The following TESK2 variants were observed in gnomAD, a reference collection of about 807,000 sequenced individuals.
TESK2 encodes the protein testis associated actin remodelling kinase 2.
A neutral mutation model predicts 57.1 loss-of-function variants in TESK2; 39 were observed. The ratio of observed to expected loss-of-function variants is 0.68; its 90% confidence interval spans 0.53 to 0.89. The LOEUF is 0.89. Among genes scored for constraint, TESK2 ranks in the 40% least tolerant of loss-of-function variants. The probability of loss-of-function intolerance (pLI) is 0.00; values close to 1 mark genes in which losing one functional copy is unlikely to be tolerated. For missense variants in TESK2, 646 were observed against 732.1 expected (o/e 0.88, Z 1.36); for synonymous variants, 249 against 267.9 (o/e 0.93, Z 0.69).
In TESK2 at chr1:45,345,228, C is replaced by T; in HGVS notation, c.1328G>A (p.Trp443Ter). 4 of 1,614,188 alleles carry T rather than the reference C, an allele frequency of 2.5e-6. No individual in the cohort carries two copies. Among genetic ancestry groups the T allele is most frequent in the Non-Finnish European group, 3.4e-6 (4 of 1,180,026 alleles). The change falls in exon 11 of 11, where the codon TGG (tryptophan) becomes TAG (stop). Residue 443 changes from tryptophan (W) to a stop codon, truncating the protein, a stop_gained. Transcript: ENST00000372086. LOFTEE classifies it high-confidence loss of function. Reference protein sequence around the residue: ...PGPGTMPLADWQEPLAPPIRR... With the variant: ...PGPGTMPLAD Reference sequence around the variant, plus strand: ...AATAGGTGGGGCCAGGGGCTCCTGCCAGTCAGCCAGGGGCATAGTTCCGGG... The same window carrying T: ...AATAGGTGGGGCCAGGGGCTCCTGCTAGTCAGCCAGGGGCATAGTTCCGGG...
At chr1:45,347,335 G>A (rs1470461379) in intron 7 of TESK2, among the ~76,000 whole-genome samples, 2 of 152,168 alleles carry the variant, frequency 1.3e-5, no homozygotes, top group Admixed American at 1.3e-4. Context: ...AGAGGCCGAG[G>A]TGGGCAGATC....
chr1:45,386,061 G>A (rs1443089648), intron 3 of TESK2, 101 bp from the exon 4 acceptor site: 37 of 810,524 alleles, frequency 4.6e-5, no homozygotes, highest in Non-Finnish European at 7.2e-5. Flanking sequence ...AACAACCTGT[G>A]GGGTGCGGCA....
intron 2 of TESK2, among the ~76,000 whole-genome samples, chr1:45,429,181 T>A (rs1296798064): frequency 1.3e-5 from 2 of 152,200 alleles, no homozygotes; most frequent in East Asian, 3.9e-4. Context: ...CCAGGTGCGG[T>A]AGAGATCAGG....
intron 2 of TESK2, among the ~76,000 whole-genome samples, chr1:45,441,751 A>T (rs72478600): frequency 6.8e-6 from 1 of 147,336 alleles, no homozygotes; most frequent in African/African-American, 2.5e-5. Flanking sequence ...CCGAGTAGTG[A>T]GATTACAGGT....
At chr1:45,388,435 T>C (rs1413762137) in intron 3 of TESK2, among the ~76,000 whole-genome samples, 4 of 152,190 alleles carry the variant, frequency 2.6e-5, no homozygotes, top group African/African-American at 7.2e-5. Flanking sequence ...CTTTCCAAAC[T>C]ATGATGGGTA....
chr1:45,471,681 CA>C (rs1557586523), intron 1 of TESK2, among the ~76,000 whole-genome samples: 3 of 151,964 alleles, frequency 2.0e-5, no homozygotes, highest in Admixed American at 6.6e-5. Flanking sequence ...GCTGAGATTA[CA>C]GGCATGAGCC....
At chr1:45,470,094 T>A (rs781771040) in intron 1 of TESK2, among the ~76,000 whole-genome samples, 15 of 152,118 alleles carry the variant, frequency 9.9e-5, no homozygotes, top group Non-Finnish European at 1.9e-4. Flanking sequence ...ACCCTAGATA[T>A]AAAGAGTAGA....
intron 1 of TESK2, among the ~76,000 whole-genome samples, chr1:45,469,879 C>T (rs1652696327): frequency 6.6e-6 from 1 of 152,172 alleles, no homozygotes; most frequent in Non-Finnish European, 1.5e-5. Flanking sequence ...AAAGTAGATA[C>T]AACTTCACAA....
chr1:45,432,646 A>G (rs1298558650), intron 2 of TESK2, among the ~76,000 whole-genome samples: 8 of 151,072 alleles, frequency 5.3e-5, no homozygotes, highest in Admixed American at 1.3e-4. Flanking sequence ...AGCCGAGATC[A>G]AGCCACTGCA....
Position 45,344,983 on chromosome 1 carries a change from C to A in TESK2, c.1573G>T (p.Gly525Trp). ...CSILQEENGF[G>W]SRPQGTSPCP... is the part of the protein sequence containing the mutation. ...GGACTGGTCCCCTGGGGCCTGGACC[C>A]AAAACCATTTTCTTCCTGGAGAATG... Residue 525 changes from glycine (G) to tryptophan (W), a missense_variant, in exon 11 of 11, where the codon GGG becomes TGG. Gly to Trp is a radical substitution (Grantham distance 184). Coordinates refer to ENST00000372086, the MANE Select transcript of TESK2 (RefSeq NM_007170.3). 5 of 1,614,258 alleles carry A rather than the reference C, an allele frequency of 3.1e-6. No homozygotes were observed. Among genetic ancestry groups the A allele is most frequent in the Non-Finnish European group, 4.2e-6 (5 of 1,180,046 alleles).
intron 2 of TESK2, among the ~76,000 whole-genome samples, chr1:45,441,391 G>GGTC (rs1651438098): frequency 1.3e-5 from 2 of 152,010 alleles, no homozygotes; most frequent in South Asian, 4.1e-4. Flanking sequence ...TGGTCAGACT[G>GGTC]GTCTCGAACT....
chr1:45,488,741 G>GGTAAAT (rs1653586457), intron 1 of TESK2, among the ~76,000 whole-genome samples: 1 of 152,126 alleles, frequency 6.6e-6, no homozygotes, highest in Non-Finnish European at 1.5e-5. Flanking sequence ...ACCAAACTCT[G>GGTAAAT]GAGAATAATT....
At chr1:45,433,265 G>A (rs2149291007) in intron 2 of TESK2, among the ~76,000 whole-genome samples, 1 of 151,520 alleles carries the variant, frequency 6.6e-6, no homozygotes, top group Non-Finnish European at 1.5e-5. Context: ...TTTCAGTAGA[G>A]ACAGGGTTTT....
chr1:45,438,703 G>T (rs1651322211), intron 2 of TESK2, among the ~76,000 whole-genome samples: 1 of 151,914 alleles, frequency 6.6e-6, no homozygotes, highest in African/African-American at 2.4e-5. Flanking sequence ...TCTATGATAG[G>T]CCCCATTGTG....
intron 1 of TESK2, among the ~76,000 whole-genome samples, chr1:45,468,175 C>CAAAA (rs34081885): frequency 8.8e-6 from 1 of 114,128 alleles, no homozygotes; most frequent in African/African-American, 3.0e-5. Context: ...ACGTCTGTCT[C>CAAAA]AAAAAAAAAA....
At chr1:45,484,058 C>G (rs2149309010) in intron 1 of TESK2, among the ~76,000 whole-genome samples, 1 of 150,430 alleles carries the variant, frequency 6.6e-6, no homozygotes, top group Non-Finnish European at 1.5e-5. Flanking sequence ...CTTCCCAACC[C>G]CTGTTTTGTT....
At chr1:45,380,147 G>A (rs1384329776) in intron 4 of TESK2, among the ~76,000 whole-genome samples, 3 of 152,058 alleles carry the variant, frequency 2.0e-5, no homozygotes, top group East Asian at 1.9e-4. Context: ...TGATCCACCC[G>A]CCTCGGCCTC....
chr1:45,401,397 C>A (rs1244485773), intron 3 of TESK2, among the ~76,000 whole-genome samples: 1 of 151,446 alleles, frequency 6.6e-6, no homozygotes, highest in Non-Finnish European at 1.5e-5. Context: ...AACTCCATCT[C>A]AAAGAAATAA....
chr1:45,384,369 A>ATCTATCTATCTATCTG lies in TESK2; in HGVS notation c.393+1542_393+1543insCAGATAGATAGATAGA, dbSNP rs1557551244. 5.2e-5 allele frequency among the ~76,000 whole-genome samples: 7 copies of ATCTATCTATCTATCTG among 134,868 alleles called. No homozygotes were observed. In the East Asian group the frequency reaches 1.3e-3, roughly 25 times the overall value. 88.5% of individuals were successfully genotyped at this position (134,868 alleles called of 152,430 possible). ...TATGTATGTATGTACGTACGTATCT[A>ATCTATCTATCTATCTG]TCTATCTATCTATCTATCTGTCTAT... On this transcript the variant is annotated intron_variant, in intron 4 of 10. Transcript: ENST00000372086.
Sources: gnomAD v4.1 joint callset for allele counts (sites outside exome capture counted in the v4.1 genomes callset) on GRCh38, gnomAD v4.1.1 for gene constraint, MANE v1.5 for transcripts, NCBI Gene and HGNC (gene_info 2026-07-23, HGNC 2026-07-21) for gene names.